SGCD: variants seen among roughly 807,000 people sequenced by gnomAD.
The protein encoded by SGCD is delta-sarcoglycan.
SGCD carries 18 observed loss-of-function variants against 36.6 expected under a neutral mutation model. That is an observed-to-expected ratio of 0.49 (90% confidence interval 0.34 to 0.73). SGCD has a LOEUF of 0.73. Ranked by LOEUF, SGCD falls within the 30% of genes least tolerant of loss-of-function variation. The probability of loss-of-function intolerance (pLI) is 0.01; values close to 1 mark genes in which losing one functional copy is unlikely to be tolerated. For synonymous variants in SGCD, 133 were observed against 130.6 expected (o/e 1.02, Z -0.12); for missense variants, 387 against 346.7 (o/e 1.12, Z -0.92).
At chr5:156,197,005 G>A (rs1764038358) in intron 3 of SGCD, among the ~76,000 whole-genome samples, 1 of 152,072 alleles carries the variant, frequency 6.6e-6, no homozygotes, top group South Asian at 2.1e-4. Context: ...TCTTTATACT[G>A]TTAATCACTC....
intron 6 of SGCD, among the ~76,000 whole-genome samples, chr5:156,639,051 T>C (rs893744558): frequency 6.6e-6 from 1 of 151,946 alleles, no homozygotes; most frequent in South Asian, 2.1e-4. Flanking sequence ...CATAATAAAA[T>C]ATATCTACCA....
At position 156,258,963 on chromosome 5, in the gene SGCD, G is replaced by A. The variant is rs148537803; in HGVS notation, c.-43-70571G>A. ...TAAGAGAGTACTTAAGAGAGTAAAG[G>A]GGTTCTGACTAAAATTCTTTACCCT... On this transcript the variant is annotated intron_variant, in intron 3 of 9. Coordinates refer to the SGCD transcript ENST00000517913. Among the ~76,000 whole-genome samples the A allele has an allele frequency of 1.7e-3, 251 of 151,746 alleles. 3 individuals carry two copies. The highest frequency in any genetic ancestry group is 5.7e-3 in the African/African-American group (238 of 41,428).
intron 3 of SGCD, among the ~76,000 whole-genome samples, chr5:156,310,532 T>C (rs1017133558): frequency 2.6e-5 from 4 of 152,200 alleles, no homozygotes; most frequent in African/African-American, 9.6e-5. Context: ...TGACCAAAAT[T>C]AACCACAGTT....
intron 3 of SGCD, among the ~76,000 whole-genome samples, chr5:156,421,831 A>G (rs1015965853): frequency 6.6e-6 from 1 of 152,142 alleles, no homozygotes; most frequent in South Asian, 2.1e-4. Flanking sequence ...TGGTTTAGGG[A>G]TAAGTCCTAA....
At chr5:156,073,632 G>A (rs1760664989) in intron 1 of SGCD, among the ~76,000 whole-genome samples, 1 of 152,094 alleles carries the variant, frequency 6.6e-6, no homozygotes, top group Admixed American at 6.6e-5. Context: ...CAGAGTAATT[G>A]GGTGACATAA....
chr5:155,782,867 C>T, the SGCD span, among the ~76,000 whole-genome samples: 1 of 152,152 alleles, frequency 6.6e-6, no homozygotes, highest in Non-Finnish European at 1.5e-5. Flanking sequence ...CCCCTCTTTA[C>T]CCTGGTCAGT....
chr5:156,711,388 A>G (rs986027187), intron 7 of SGCD, among the ~76,000 whole-genome samples: 1 of 152,214 alleles, frequency 6.6e-6, no homozygotes, highest in Non-Finnish European at 1.5e-5. Context: ...CTGCAAATGT[A>G]TCTCTCAATA....
chr5:156,370,302 C>T (rs559754696), intron 3 of SGCD, among the ~76,000 whole-genome samples: 3 of 152,134 alleles, frequency 2.0e-5, no homozygotes, highest in Non-Finnish European at 2.9e-5. Flanking sequence ...AGCTCTCCAA[C>T]AGGCGATACA....
chr5:156,477,049 G>GAAAAAAAAAAA (rs5872462), intron 3 of SGCD, among the ~76,000 whole-genome samples: 1 of 123,004 alleles, frequency 8.1e-6, no homozygotes, highest in Non-Finnish European at 1.7e-5. Context: ...AAGAGAAAAA[G>GAAAAAAAAAAA]AAAAAAAAAA....
At chr5:155,804,234 C>T in the SGCD span, among the ~76,000 whole-genome samples, 1 of 152,320 alleles carries the variant, frequency 6.6e-6, no homozygotes, top group East Asian at 1.9e-4. Context: ...CACACATTAT[C>T]TCATTTCCTG....
chr5:156,592,434 C>A (rs1760761850), intron 5 of SGCD, among the ~76,000 whole-genome samples: 2 of 152,214 alleles, frequency 1.3e-5, no homozygotes, highest in South Asian at 4.1e-4. Flanking sequence ...ACATCTTAGC[C>A]TTTGCAGAAA....
chr5:155,989,492 C>G lies in SGCD; in HGVS notation c.-282+119068C>G, dbSNP rs191470584. ...GTTCTAAATTAGATGTCATTTTCAT[C>G]TAGTCTATCATACTAGGTAAAGTTT... On this transcript the variant is annotated intron_variant, in intron 1 of 9. Transcript: ENST00000517913. Among the ~76,000 whole-genome samples the G allele has an allele frequency of 2.0e-3, 303 of 152,188 alleles. 1 individual carries two copies. Among genetic ancestry groups the G allele is most frequent in the South Asian group, 0.012 (58 of 4,826 alleles).
At chr5:155,922,534 A>G (rs1007606754) in intron 1 of SGCD, among the ~76,000 whole-genome samples, 3 of 152,210 alleles carry the variant, frequency 2.0e-5, no homozygotes, top group African/African-American at 7.2e-5. Context: ...TTTAAAATTA[A>G]GATAAAAAAT....
At chr5:156,376,109 T>C (rs1396350347) in intron 3 of SGCD, among the ~76,000 whole-genome samples, 3 of 152,174 alleles carry the variant, frequency 2.0e-5, no homozygotes, top group African/African-American at 7.2e-5. Context: ...TTTAACAAAA[T>C]AGTTTGTTGC....
intron 3 of SGCD, among the ~76,000 whole-genome samples, chr5:156,385,324 G>C (rs1352484529): frequency 6.6e-6 from 1 of 152,224 alleles, no homozygotes; most frequent in Non-Finnish European, 1.5e-5. Context: ...CACTGTGGTA[G>C]CTGGTTGGTC....
At chr5:156,636,701 C>T (rs1762837294) in intron 6 of SGCD, among the ~76,000 whole-genome samples, 1 of 152,156 alleles carries the variant, frequency 6.6e-6, no homozygotes, top group Non-Finnish European at 1.5e-5. Flanking sequence ...TGGGAAAACC[C>T]AGCCCCACTC....
At chr5:156,627,920 G>A (rs1762493891) in intron 6 of SGCD, among the ~76,000 whole-genome samples, 1 of 152,106 alleles carries the variant, frequency 6.6e-6, no homozygotes. Context: ...GTGTGTGTTA[G>A]GCCATTCTTG....
At position 156,386,091 on chromosome 5, in the gene SGCD, A is replaced by G. The variant is rs139062529; in HGVS notation, c.192+41414A>G. On this transcript the variant is annotated intron_variant, in intron 3 of 8. Transcript: ENST00000337851. ...GTAAATATGGTCAGAATGCCTTCCA[A>G]TCTGTTTTAGTGATAGTATAGTTAT... Among the ~76,000 whole-genome samples, 260 of 152,298 alleles carry G rather than the reference A, an allele frequency of 1.7e-3. 1 individual carries two copies. Among genetic ancestry groups the G allele is most frequent in the African/African-American group, 5.9e-3 (244 of 41,546 alleles).
chr5:156,434,502 G>A lies in SGCD; in HGVS notation c.193-74099G>A, dbSNP rs186533618. On this transcript the variant is annotated intron_variant, in intron 3 of 8. Coordinates refer to ENST00000337851, the MANE Select transcript of SGCD (RefSeq NM_000337.6). Reference sequence around the variant, plus strand: ...ACTACAGAAGGTAATTACTAAGATAGTATTTAATTAGTTTTGGTTTCAAAT... The same window carrying A: ...ACTACAGAAGGTAATTACTAAGATAATATTTAATTAGTTTTGGTTTCAAAT... Among the ~76,000 whole-genome samples, 10 of 152,284 alleles carry A rather than the reference G, an allele frequency of 6.6e-5. No homozygotes were observed. The East Asian group carries it at 1.7e-3, about 26-fold the overall frequency.
Sources: allele counts gnomAD v4.1 joint callset (sites outside exome capture counted in the v4.1 genomes callset), GRCh38; gene constraint gnomAD v4.1.1; transcripts MANE v1.5; gene names NCBI Gene and HGNC (gene_info 2026-07-23, HGNC 2026-07-21).